Variants in FANCB observed in about 807,000 individuals in gnomAD.
FANCB encodes Fanconi anemia group B protein.
In FANCB, 5 loss-of-function variants were observed where a neutral mutation model predicts 38.9. The observed-to-expected ratio is 0.13, with a 90% CI of 0.07 to 0.27. The LOEUF is 0.27. Ranked by LOEUF, FANCB falls within the 10% of genes least tolerant of loss-of-function variation. The probability of loss-of-function intolerance (pLI) is 1.00; values close to 1 mark genes in which losing one functional copy is unlikely to be tolerated. For synonymous variants in FANCB, 236 were observed against 215.4 expected (o/e 1.10, Z -0.84); for missense variants, 573 against 602.7 (o/e 0.95, Z 0.52).
At chrX:14,703,554 A>C in the FANCB span, among the ~76,000 whole-genome samples, 2 of 111,769 alleles carry the variant, frequency 1.8e-5, no homozygotes, top group Non-Finnish European at 3.8e-5. Flanking sequence ...GTAGGATAAC[A>C]TATTCACAGG....
the FANCB span, among the ~76,000 whole-genome samples, chrX:14,767,386 C>T: frequency 1.8e-5 from 2 of 112,043 alleles, no homozygotes; most frequent in Admixed American, 1.9e-4. Flanking sequence ...GCCTTTCTGA[C>T]TGGTGGGAGA....
chrX:14,827,726 T>C, the FANCB span, among the ~76,000 whole-genome samples: 1 of 112,273 alleles, frequency 8.9e-6, no homozygotes, highest in South Asian at 3.6e-4. Flanking sequence ...CAAAATCCTC[T>C]ATATAATTAA....
At chrX:14,710,337 T>C in the FANCB span, among the ~76,000 whole-genome samples, 1 of 111,904 alleles carries the variant, frequency 8.9e-6, no homozygotes, top group Non-Finnish European at 1.9e-5. Flanking sequence ...GCAGTGGCTA[T>C]CTGGAAGGTT....
intron 3 of FANCB, chrX:14,862,366 TA>T (rs1393683108): frequency 2.7e-5 from 3 of 110,925 alleles, no homozygotes; most frequent in Non-Finnish European, 1.9e-5. Context: ...CTTAGGTAAG[TA>T]ACGTGTGGAA....
At chrX:14,704,841 C>T in the FANCB span, among the ~76,000 whole-genome samples, 1 of 111,671 alleles carries the variant, frequency 9.0e-6, no homozygotes, top group Admixed American at 9.5e-5. Context: ...TGCTTGAAAC[C>T]TGTTTTCACA....
At chrX:14,763,998 C>G in the FANCB span, among the ~76,000 whole-genome samples, 2 of 111,744 alleles carry the variant, frequency 1.8e-5, no homozygotes, top group South Asian at 7.5e-4. Context: ...AGCCCTGGTG[C>G]AGTGCAAAAG....
intron 7 of FANCB, among the ~76,000 whole-genome samples, chrX:14,845,561 G>A (rs2092372995): frequency 9.0e-6 from 1 of 111,513 alleles, no homozygotes; most frequent in Admixed American, 9.5e-5. Flanking sequence ...ATGGTATTAG[G>A]AATGATAGTA....
the FANCB span, among the ~76,000 whole-genome samples, chrX:14,710,316 G>A: frequency 1.1e-3 from 118 of 112,076 alleles, no homozygotes; most frequent in Middle Eastern, 0.037. Flanking sequence ...AGAGGGAAGA[G>A]GGGAAAGAAA....
the FANCB span, among the ~76,000 whole-genome samples, chrX:14,822,090 A>C: frequency 1.8e-3 from 204 of 111,348 alleles, 1 homozygote; most frequent in African/African-American, 6.0e-3. Context: ...TCTCAGGAAG[A>C]CCTGATAGCA....
In FANCB at chrX:14,850,514, G is replaced by C. The variant is rs993307430; in HGVS notation, c.1487C>G (p.Ser496Cys). Residue 496 changes from serine to cysteine, a missense_variant, in exon 7 of 10, where the codon TCT (serine) becomes TGT (cysteine). Transcript: ENST00000650831. ...SLVVGVKTTSSLKLSLNDVTL... is the reference protein window; with the variant it reads ...SLVVGVKTTSCLKLSLNDVTL... ...GTTGGAATTTACTTACAGCTTCAAA[G>C]AAGATGTAGTTTTCACTCCAACAAC... 2.5e-6 allele frequency: 3 copies of C among 1,200,476 alleles called. No individual in the cohort carries two copies.
chrX:14,722,064 A>C, the FANCB span, among the ~76,000 whole-genome samples: 1 of 111,851 alleles, frequency 8.9e-6, no homozygotes, highest in Non-Finnish European at 1.9e-5. Flanking sequence ...TCAGTTTTTG[A>C]TACAGCATCA....
At chrX:14,824,215 G>A in the FANCB span, among the ~76,000 whole-genome samples, 2 of 111,606 alleles carry the variant, frequency 1.8e-5, no homozygotes, top group Non-Finnish European at 3.8e-5. Context: ...GAATCTTTGG[G>A]TTGGCCACAC....
chrX:14,772,053 C>T, the FANCB span, among the ~76,000 whole-genome samples: 1 of 110,537 alleles, frequency 9.0e-6, no homozygotes, highest in Non-Finnish European at 1.9e-5. Flanking sequence ...TGGAGACCCT[C>T]ATTGAGAAGT....
chrX:14,868,389 C>T (rs1209420142), intron 2 of FANCB, among the ~76,000 whole-genome samples: 1 of 111,866 alleles, frequency 8.9e-6, no homozygotes, highest in East Asian at 2.8e-4. Flanking sequence ...ATTAATACAG[C>T]CACAAAATTA....
the FANCB span, among the ~76,000 whole-genome samples, chrX:14,751,443 C>T: frequency 9.5e-4 from 106 of 111,630 alleles, no homozygotes; most frequent in Middle Eastern, 0.028. Flanking sequence ...TTAATCTGCA[C>T]CGTTAGAGAG....
At chrX:14,742,725 G>A in the FANCB span, among the ~76,000 whole-genome samples, 1 of 112,136 alleles carries the variant, frequency 8.9e-6, no homozygotes, top group Non-Finnish European at 1.9e-5. Flanking sequence ...CATCAAAAAG[G>A]CTGGTTGGAA....
At chrX:14,868,308 G>A (rs909451116) in intron 2 of FANCB, among the ~76,000 whole-genome samples, 1 of 111,660 alleles carries the variant, frequency 9.0e-6, no homozygotes. Flanking sequence ...CAACCCAAGT[G>A]TCCAACAATG....
chrX:14,794,595 A>C, the FANCB span, among the ~76,000 whole-genome samples: 1 of 112,209 alleles, frequency 8.9e-6, no homozygotes, highest in Admixed American at 9.5e-5. Context: ...TTACTGATGA[A>C]AACCCTGAGA....
At chrX:14,690,868 G>T in the FANCB span, 1 of 1,208,037 alleles carries the variant, frequency 8.3e-7, no homozygotes, top group Non-Finnish European at 1.1e-6. Flanking sequence ...AGGTATGATT[G>T]CCCCTCAGTT....
Sources: gnomAD v4.1 joint callset for allele counts (sites outside exome capture counted in the v4.1 genomes callset) on GRCh38, gnomAD v4.1.1 for gene constraint, MANE v1.5 for transcripts, NCBI Gene and HGNC (gene_info 2026-07-23, HGNC 2026-07-21) for gene names.